SCN11A: variants seen among roughly 807,000 people sequenced by gnomAD.
The protein encoded by SCN11A is sodium voltage-gated channel alpha subunit 11.
A neutral mutation model predicts 162.2 loss-of-function variants in SCN11A; 122 were observed. The observed-to-expected ratio is 0.75, with a 90% CI of 0.65 to 0.87. The LOEUF (loss-of-function observed/expected upper bound fraction) is 0.87. SCN11A is among the 40% of genes least tolerant of loss of function. SCN11A has a pLI of 0.00. For missense variants in SCN11A, 2,015 were observed against 2,181.6 expected (o/e 0.92, Z 1.52); for synonymous variants, 758 against 751.5 (o/e 1.01, Z -0.14).
At chr3:38,902,167 G>A (rs572168212) in intron 16 of SCN11A, among the ~76,000 whole-genome samples, 2 of 152,304 alleles carry the variant, frequency 1.3e-5, no homozygotes, top group Admixed American at 6.5e-5. Context: ...AAAAGGTGGA[G>A]TCTGCTGACC....
chr3:38,850,757 A>C lies in SCN11A; in HGVS notation c.4057-6T>G. The C allele has an allele frequency of 1.3e-6, 2 of 1,558,568 alleles. No individual in the cohort carries two copies. The highest frequency in any genetic ancestry group is 4.5e-5 in the East Asian group (2 of 43,988). On this transcript the variant is annotated splice_polypyrimidine_tract_variant and splice_region_variant and intron_variant, in intron 28 of 29. Transcript: ENST00000302328. ...ACGAGACCTTGACATTTGTTCTGAG[A>C]AAAAAAAGAAATTATAAATCATTTT...
chr3:39,045,543 C>T (rs1158729615), intron 1 of SCN11A, among the ~76,000 whole-genome samples: 1 of 152,064 alleles, frequency 6.6e-6, no homozygotes, highest in African/African-American at 2.4e-5. Flanking sequence ...GGACAAAAAC[C>T]AAACGATCAT....
At chr3:38,883,764 C>A (rs1262581118) in intron 21 of SCN11A, among the ~76,000 whole-genome samples, 1 of 152,188 alleles carries the variant, frequency 6.6e-6, no homozygotes, top group African/African-American at 2.4e-5. Flanking sequence ...GGCTAGATAA[C>A]ACTTGCATGA....
At position 38,950,130 on chromosome 3, in the gene SCN11A, A is replaced by G. The variant is rs1191209828; in HGVS notation, c.233T>C (p.Leu78Pro). ...TCGGTAGAATGGGTCCAAGTCTTCC[A>G]GAGGCTTTCCTATGAGCTCACGAGG... ...DIPRELIGKP[L>P]EDLDPFYRNH... The change falls in exon 5 of 30, where the codon CTG (leucine) becomes CCG (proline). Residue 78 changes from leucine to proline, a missense_variant. Leu to Pro is a moderately conservative substitution (Grantham distance 98). Coordinates refer to ENST00000302328, the MANE Select transcript of SCN11A (RefSeq NM_001349253.2). 1.1e-5 allele frequency: 16 copies of G among 1,521,600 alleles called. No homozygotes were observed. The highest frequency in any genetic ancestry group is 1.4e-5 in the Non-Finnish European group (16 of 1,128,692). 94.3% of individuals were successfully genotyped at this position (1,521,600 alleles called of 1,614,324 possible). A position where few individuals can be genotyped will look rare whatever the true frequency, so the allele number is the denominator to read the frequency against.
intron 7 of SCN11A, among the ~76,000 whole-genome samples, chr3:38,939,818 G>A (rs1347321292): frequency 4.0e-5 from 6 of 151,736 alleles, no homozygotes; most frequent in South Asian, 2.1e-4. Context: ...CAGGAGAATC[G>A]CTTGAACCCG....
At position 38,940,075 on chromosome 3, in the gene SCN11A, T is replaced by G. The variant is rs1575318702; in HGVS notation, c.488+5336A>C. Among the ~76,000 whole-genome samples the G allele has an allele frequency of 2.2e-5, 3 of 137,766 alleles. No individual in the cohort carries two copies. The East Asian group carries it at 6.4e-4, about 29-fold the overall frequency. 90.4% of individuals were successfully genotyped at this position (137,766 alleles called of 152,430 possible). A position where few individuals can be genotyped will look rare whatever the true frequency, so the allele number is the denominator to read the frequency against. Reference sequence around the variant, plus strand: ...GTACATACATATATATATATATATATAGTTTTATATAACAAGGCAACTAGT... The same window carrying G: ...GTACATACATATATATATATATATAGAGTTTTATATAACAAGGCAACTAGT... On this transcript the variant is annotated intron_variant, in intron 7 of 29. Coordinates refer to ENST00000302328, the MANE Select transcript of SCN11A (RefSeq NM_001349253.2).
In SCN11A at chr3:38,875,974, T is replaced by C. The variant is rs940685260; in HGVS notation, c.3394-3680A>G. On this transcript the variant is annotated intron_variant, in intron 23 of 29. Coordinates refer to ENST00000302328, the MANE Select transcript of SCN11A (RefSeq NM_001349253.2). ...GACCTCTAACTGTACTATAAGGCCA[T>C]AGGCACCAAAACAGCATGGTACTGG... Among the ~76,000 whole-genome samples the C allele has an allele frequency of 5.3e-5, 8 of 152,002 alleles. No homozygotes were observed. In the East Asian group the frequency reaches 5.8e-4, roughly 11 times the overall value.
rs1195329279 is a variant in SCN11A at position 38,896,879 on chromosome 3, A to C, written c.2369T>G (p.Val790Gly). The change falls in exon 18 of 30, where the codon GTC becomes GGC. Residue 790 changes from valine to glycine, a missense_variant. By Grantham distance (109) the Val-to-Gly change is moderately radical. Coordinates refer to ENST00000302328, the MANE Select transcript of SCN11A (RefSeq NM_001349253.2). ...TCCTATCACCGTGATCAATATGAAG[A>C]CAATAACACACAATGATGATGATGC... is the stretch of plus-strand genomic sequence containing the variant. Reference protein sequence around the residue: ...ANASSSLCVIVFILITVIGKL... With the variant: ...ANASSSLCVIGFILITVIGKL... 11 of 1,604,166 alleles carry C rather than the reference A, an allele frequency of 6.9e-6. No homozygotes were observed. Among genetic ancestry groups the C allele is most frequent in the Non-Finnish European group, 9.4e-6 (11 of 1,173,676 alleles).
chr3:38,922,668 A>G (rs142961418), intron 9 of SCN11A, among the ~76,000 whole-genome samples: 4,491 of 137,046 alleles, frequency 0.033, 99 homozygotes, highest in Middle Eastern at 0.06. Context: ...ACTTGAAAAG[A>G]AGAAGGAGAA....
intron 2 of SCN11A, among the ~76,000 whole-genome samples, chr3:39,027,502 T>C (rs2031617956): frequency 6.6e-6 from 1 of 152,102 alleles, no homozygotes; most frequent in African/African-American, 2.4e-5. Flanking sequence ...CTCGAAAGTG[T>C]AGGTAAGAAA....
At chr3:38,944,188 A>G (rs2066481419) in intron 7 of SCN11A, among the ~76,000 whole-genome samples, 1 of 152,236 alleles carries the variant, frequency 6.6e-6, no homozygotes, top group Admixed American at 6.5e-5. Context: ...AGAAGAAAAA[A>G]TTTAATGCTA....
In SCN11A at chr3:38,992,704, G is replaced by A. The variant is rs114652475; in HGVS notation, c.-279-32281C>T. 4.3e-3 allele frequency among the ~76,000 whole-genome samples: 654 copies of A among 152,258 alleles called. 10 individuals are homozygous for A. Among genetic ancestry groups the A allele is most frequent in the African/African-American group, 0.014 (598 of 41,548 alleles). ...TCACCAAATACTTTCAGCAACCCCCGGAAGGTGGCATGGTCACCATATTAC... is the reference window on the plus strand; with the variant it reads ...TCACCAAATACTTTCAGCAACCCCCAGAAGGTGGCATGGTCACCATATTAC... On this transcript the variant is annotated intron_variant, in intron 2 of 29. Coordinates refer to ENST00000302328, the MANE Select transcript of SCN11A (RefSeq NM_001349253.2).
chr3:38,920,926 T>C (rs2066039503), intron 10 of SCN11A, 150 bp downstream of exon 10: 6 of 711,120 alleles, frequency 8.4e-6, no homozygotes, highest in Non-Finnish European at 2.4e-6. Context: ...CTCTAGGAAA[T>C]GCATCTGCCC....
chr3:39,026,098 C>T (rs2031580743), intron 2 of SCN11A: 1 of 151,922 alleles, frequency 6.6e-6, no homozygotes, highest in South Asian at 2.1e-4. Flanking sequence ...ATTTTTATTA[C>T]ATTATGTGTC....
At chr3:38,862,040 C>T (rs961049779) in intron 28 of SCN11A, among the ~76,000 whole-genome samples, 1 of 151,800 alleles carries the variant, frequency 6.6e-6, no homozygotes, top group African/African-American at 2.4e-5. Context: ...AACAAATCAT[C>T]AAGACAAAAA....
At chr3:38,970,531 C>A in intron 2 of SCN11A, among the ~76,000 whole-genome samples, 1 of 152,090 alleles carries the variant, frequency 6.6e-6, no homozygotes, top group East Asian at 1.9e-4. Flanking sequence ...TACTAGAAAT[C>A]TTAGTTAATT....
intron 2 of SCN11A, among the ~76,000 whole-genome samples, chr3:38,975,588 T>G (rs2066845204): frequency 6.6e-6 from 1 of 152,266 alleles, no homozygotes; most frequent in African/African-American, 2.4e-5. Flanking sequence ...GTTCAACTTC[T>G]TTAGCAAGCT....
intron 23 of SCN11A, among the ~76,000 whole-genome samples, chr3:38,875,305 T>C (rs567956998): frequency 6.6e-6 from 1 of 152,310 alleles, no homozygotes; most frequent in South Asian, 2.1e-4. Context: ...ATTATGTTTA[T>C]CTCATTAAAT....
chr3:38,899,953 C>A lies in SCN11A; in HGVS notation c.1963G>T (p.Asp655Tyr). ...TTTTGAAGTACACAGTTCATTACAT[C>A]TGCAAAACTCAGAAGAGCAACAATG... is the stretch of plus-strand genomic sequence containing the variant. ...DSIVALLSFA[D>Y]VMNCVLQKRS... Residue 655 changes from aspartate (D) to tyrosine (Y), a missense_variant, in exon 17 of 30, where the codon GAT (aspartate) becomes TAT (tyrosine). By Grantham distance (160) the Asp-to-Tyr change is radical. Coordinates refer to ENST00000302328, the MANE Select transcript of SCN11A (RefSeq NM_001349253.2). The A allele has an allele frequency of 6.2e-7, 1 of 1,614,148 alleles. No homozygotes were observed. The highest frequency in any genetic ancestry group is 8.5e-7 in the Non-Finnish European group (1 of 1,180,002).
Sources: gnomAD v4.1 joint callset for allele counts (sites outside exome capture counted in the v4.1 genomes callset) on GRCh38, gnomAD v4.1.1 for gene constraint, MANE v1.5 for transcripts, NCBI Gene and HGNC (gene_info 2026-07-23, HGNC 2026-07-21) for gene names.